Variants in TEAD1 observed in about 807,000 individuals in gnomAD.
TEAD1 encodes the protein transcriptional enhancer factor TEF-1.
A neutral mutation model predicts 54.9 loss-of-function variants in TEAD1; 9 were observed. The ratio of observed to expected loss-of-function variants is 0.16; its 90% CI spans 0.10 to 0.29. The LOEUF is 0.29. TEAD1 is among the 10% of genes least tolerant of loss of function. The probability of loss-of-function intolerance (pLI) is 1.00; values close to 1 mark genes in which losing one functional copy is unlikely to be tolerated. For synonymous variants in TEAD1, 200 were observed against 187.8 expected, an observed-to-expected ratio of 1.07 and a Z score of -0.53; for missense variants, 387 against 535.9, an observed-to-expected ratio of 0.72 and a Z score of 2.74.
chr11:12,929,362 A>G (rs895476016), intron 11 of TEAD1, among the ~76,000 whole-genome samples: 4 of 148,250 alleles, frequency 2.7e-5, no homozygotes, highest in Admixed American at 6.7e-5. Flanking sequence ...TTAAATTTCT[A>G]TTTCATTGAT....
chr11:12,754,211 T>A (rs1406214508), intron 2 of TEAD1, among the ~76,000 whole-genome samples: 1 of 152,264 alleles, frequency 6.6e-6, no homozygotes, highest in Non-Finnish European at 1.5e-5. Flanking sequence ...AAGAGCTGCA[T>A]TTATTCAAAC....
intron 11 of TEAD1, among the ~76,000 whole-genome samples, chr11:12,927,762 A>G (rs1337877537): frequency 1.3e-5 from 2 of 152,032 alleles, no homozygotes; most frequent in Admixed American, 6.5e-5. Context: ...ATATTTCTAA[A>G]TATTATATAA....
chr11:12,818,713 T>C (rs1946468290), intron 3 of TEAD1, among the ~76,000 whole-genome samples: 1 of 152,220 alleles, frequency 6.6e-6, no homozygotes, highest in African/African-American at 2.4e-5. Flanking sequence ...CAGGGAGACA[T>C]TGAACCACAG....
At chr11:12,903,885 G>A (rs1948467043) in intron 10 of TEAD1, among the ~76,000 whole-genome samples, 1 of 152,160 alleles carries the variant, frequency 6.6e-6, no homozygotes, top group African/African-American at 2.4e-5. Flanking sequence ...TAATACACAT[G>A]GACAACCTGA....
intron 3 of TEAD1, 81 bp downstream of exon 3, chr11:12,764,515 A>G: frequency 1.3e-6 from 2 of 1,513,804 alleles, no homozygotes; most frequent in South Asian, 1.1e-5. Context: ...TCTTCCAGCA[A>G]GAGCTGTTCA....
intron 3 of TEAD1, among the ~76,000 whole-genome samples, chr11:12,802,591 C>T (rs1460049937): frequency 6.6e-6 from 1 of 152,202 alleles, no homozygotes; most frequent in Non-Finnish European, 1.5e-5. Flanking sequence ...TGTGAATCTG[C>T]ATTCCCTGTG....
At chr11:12,707,329 T>G (rs1157530309) in intron 2 of TEAD1, among the ~76,000 whole-genome samples, 4 of 152,098 alleles carry the variant, frequency 2.6e-5, no homozygotes, top group African/African-American at 9.7e-5. Context: ...CCTGCCTCTA[T>G]GTGTCAAAAA....
chr11:12,719,833 T>G (rs73421977), intron 2 of TEAD1, among the ~76,000 whole-genome samples: 21 of 152,074 alleles, frequency 1.4e-4, no homozygotes, highest in African/African-American at 4.8e-4. Context: ...TGAAAAAACA[T>G]TGAGGGCATA....
At chr11:12,773,943 A>G (rs185047739) in intron 3 of TEAD1, among the ~76,000 whole-genome samples, 20 of 152,268 alleles carry the variant, frequency 1.3e-4, no homozygotes, top group African/African-American at 4.3e-4. Flanking sequence ...TAGGTCTGTG[A>G]TGCATATTAC....
chr11:12,884,674 G>A (rs553963727), intron 9 of TEAD1, among the ~76,000 whole-genome samples: 3 of 152,222 alleles, frequency 2.0e-5, no homozygotes, highest in East Asian at 1.9e-4. Context: ...CCAAATTAGG[G>A]GGAAAAATGA....
At chr11:12,857,169 C>A (rs1484899219) in intron 3 of TEAD1, among the ~76,000 whole-genome samples, 1 of 152,096 alleles carries the variant, frequency 6.6e-6, no homozygotes, top group African/African-American at 2.4e-5. Flanking sequence ...CAATGATGGG[C>A]TCATTTCGAA....
intron 2 of TEAD1, among the ~76,000 whole-genome samples, chr11:12,720,194 G>T (rs1030539832): frequency 6.6e-6 from 1 of 151,780 alleles, no homozygotes; most frequent in African/African-American, 2.4e-5. Flanking sequence ...TGAATTTAAT[G>T]TTAAATCTAA....
At chr11:12,720,079 G>T (rs950077824) in intron 2 of TEAD1, among the ~76,000 whole-genome samples, 1 of 145,042 alleles carries the variant, frequency 6.9e-6, no homozygotes, top group Non-Finnish European at 1.5e-5. Context: ...GTCTCTCCTG[G>T]TAGTGAGGGG....
chr11:12,790,589 C>T (rs1323202596), intron 3 of TEAD1, among the ~76,000 whole-genome samples: 1 of 152,140 alleles, frequency 6.6e-6, no homozygotes, highest in Non-Finnish European at 1.5e-5. Flanking sequence ...GGTTCATCTC[C>T]CATATCCCCA....
At chr11:12,699,447 A>G (rs1173727486) in intron 2 of TEAD1, among the ~76,000 whole-genome samples, 2 of 152,170 alleles carry the variant, frequency 1.3e-5, no homozygotes, top group Non-Finnish European at 2.9e-5. Flanking sequence ...TGTTTTTTAA[A>G]TAGTTTTACC....
chr11:12,823,091 C>T (rs1946585089), intron 3 of TEAD1, among the ~76,000 whole-genome samples: 1 of 152,208 alleles, frequency 6.6e-6, no homozygotes, highest in African/African-American at 2.4e-5. Flanking sequence ...CAGCACATCT[C>T]ATCTTTGCTC....
At chr11:12,883,171 C>T in intron 9 of TEAD1, 46 bp downstream of exon 9, 1 of 1,613,402 alleles carries the variant, frequency 6.2e-7, no homozygotes. Context: ...GATTTCTTTC[C>T]CTTTACTGTT....
intron 6 of TEAD1, among the ~76,000 whole-genome samples, chr11:12,880,770 G>A (rs781208642): frequency 6.6e-6 from 1 of 152,236 alleles, no homozygotes; most frequent in African/African-American, 2.4e-5. Flanking sequence ...TGCTGCCTGC[G>A]TCTGCCCTTG....
At chr11:12,682,193 G>A (rs1281451576) in intron 2 of TEAD1, among the ~76,000 whole-genome samples, 1 of 152,208 alleles carries the variant, frequency 6.6e-6, no homozygotes. Flanking sequence ...CAATATTTGT[G>A]AGGCAGTGTA....
Sources: allele counts gnomAD v4.1 joint callset (sites outside exome capture counted in the v4.1 genomes callset), GRCh38; gene constraint gnomAD v4.1.1; transcripts MANE v1.5; gene names NCBI Gene and HGNC (gene_info 2026-07-23, HGNC 2026-07-21).